EPB41L4A: variants seen among roughly 807,000 people sequenced by gnomAD.
The protein encoded by EPB41L4A is band 4.1-like protein 4A.
Under a neutral mutation model 108.6 loss-of-function variants are expected in EPB41L4A, and 100 were observed. The ratio of observed to expected loss-of-function variants is 0.92; its 90% CI spans 0.78 to 1.09. The LOEUF is 1.09. EPB41L4A is among the 50% of genes least tolerant of loss of function. The pLI is 0.00. For synonymous variants in EPB41L4A, 319 were observed against 289.0 expected, an observed-to-expected ratio of 1.10 and a Z score of -1.05; for missense variants, 1,030 against 842.7, an observed-to-expected ratio of 1.22 and a Z score of -2.75.
chr5:112,156,378 T>C (rs900014362), intron 12 of EPB41L4A, among the ~76,000 whole-genome samples: 11 of 152,210 alleles, frequency 7.2e-5, no homozygotes, highest in Non-Finnish European at 1.5e-5. Flanking sequence ...GCCAGTGGTA[T>C]AGCCAGAGAG....
At chr5:112,410,038 C>T (rs1580855764) in intron 1 of EPB41L4A, among the ~76,000 whole-genome samples, 1 of 152,256 alleles carries the variant, frequency 6.6e-6, no homozygotes, top group Non-Finnish European at 1.5e-5. Flanking sequence ...AGAAGAGGGC[C>T]TCTCCAGCTC....
At position 112,240,765 on chromosome 5, in the gene EPB41L4A, A is replaced by C; in HGVS notation, c.841T>G (p.Cys281Gly). Residue 281 changes from cysteine to glycine, a missense_variant, in exon 10 of 23, where the codon TGC becomes GGC. Physicochemically the swap from Cys to Gly is radical, Grantham distance 159 (BLOSUM62 -3). Transcript: ENST00000261486. ...ACACTGCACTTCCAGAGGTGCTTGC[A>C]AGCAGTTTTACTCCGAGCTTCAAAA... ...FFFEARSKTA[C>G]KHLWKCSVEH... 6.3e-7 allele frequency: 1 copy of C among 1,587,818 alleles called. No individual in the cohort carries two copies. The highest frequency in any genetic ancestry group is 1.2e-5 in the South Asian group (1 of 84,730).
At chr5:112,296,808 C>A (rs768229221) in intron 2 of EPB41L4A, among the ~76,000 whole-genome samples, 1 of 151,998 alleles carries the variant, frequency 6.6e-6, no homozygotes, top group African/African-American at 2.4e-5. Flanking sequence ...CATTCTTATG[C>A]CTTTGCATCC....
At chr5:112,284,516 C>T (rs1451070309) in intron 2 of EPB41L4A, among the ~76,000 whole-genome samples, 1 of 152,130 alleles carries the variant, frequency 6.6e-6, no homozygotes, top group Non-Finnish European at 1.5e-5. Context: ...ATCACTCAAA[C>T]ACTTTCCCCT....
intron 1 of EPB41L4A, among the ~76,000 whole-genome samples, chr5:112,366,309 G>T (rs896495654): frequency 4.7e-5 from 7 of 148,100 alleles, no homozygotes; most frequent in African/African-American, 7.4e-5. Context: ...AAAAAAAAAA[G>T]AAAGAAAGAA....
intron 1 of EPB41L4A, among the ~76,000 whole-genome samples, chr5:112,339,520 A>ATATC (rs1561585499): frequency 7.6e-5 from 4 of 52,528 alleles, no homozygotes; most frequent in African/African-American, 2.9e-4. Context: ...AGATATATAG[A>ATATC]TATATATCTA....
intron 17 of EPB41L4A, among the ~76,000 whole-genome samples, chr5:112,190,686 G>T (rs181322228): frequency 3.3e-5 from 5 of 152,206 alleles, no homozygotes; most frequent in Admixed American, 1.3e-4. Flanking sequence ...CAACAAAATG[G>T]ATCAGTTGTT....
intron 17 of EPB41L4A, among the ~76,000 whole-genome samples, chr5:112,191,422 C>A (rs1435122747): frequency 6.6e-6 from 1 of 152,166 alleles, no homozygotes; most frequent in Non-Finnish European, 1.5e-5. Flanking sequence ...CTAACATTAG[C>A]CTTCCAGAGC....
intron 1 of EPB41L4A, among the ~76,000 whole-genome samples, chr5:112,413,745 C>T (rs1208856053): frequency 6.6e-6 from 1 of 152,170 alleles, no homozygotes; most frequent in Non-Finnish European, 1.5e-5. Context: ...CAAAATGGTA[C>T]ACCAATCAGC....
chr5:112,397,849 T>C (rs1580829490), intron 1 of EPB41L4A, among the ~76,000 whole-genome samples: 1 of 152,224 alleles, frequency 6.6e-6, no homozygotes, highest in African/African-American at 2.4e-5. Flanking sequence ...GGCTAGTAAG[T>C]GGCAGGTCAA....
chr5:112,321,895 C>A (rs821747), intron 1 of EPB41L4A, among the ~76,000 whole-genome samples: 138,002 of 152,222 alleles, frequency 0.91, 62,661 homozygotes, highest in South Asian at 0.96. Flanking sequence ...CAGCCTCCCA[C>A]CTTTAAACCT....
At chr5:112,386,709 C>A (rs1760557501) in intron 1 of EPB41L4A, among the ~76,000 whole-genome samples, 1 of 152,134 alleles carries the variant, frequency 6.6e-6, no homozygotes, top group Admixed American at 6.5e-5. Context: ...ATACAGGACA[C>A]AGCTCAAAAT....
At chr5:112,160,333 T>A (rs1759813065), downstream of EPB41L4A, among the ~76,000 whole-genome samples, 1 of 152,112 alleles carries the variant, frequency 6.6e-6, no homozygotes, top group Non-Finnish European at 1.5e-5. Flanking sequence ...GCACTTACAT[T>A]GTAGAATTTC....
rs148527236 is a variant in EPB41L4A at position 112,408,119 on chromosome 5, A to G, written c.99+10822T>C. Among the ~76,000 whole-genome samples, 3 of 152,312 alleles carry G rather than the reference A, an allele frequency of 2.0e-5. No homozygotes were observed. The East Asian group carries it at 5.8e-4, about 29-fold the overall frequency. ...AGTTAACTCCTCACATTTATTTTTAATTGATTTTTTTTATAAGGGTGCCAA... is the reference window on the plus strand; with the variant it reads ...AGTTAACTCCTCACATTTATTTTTAGTTGATTTTTTTTATAAGGGTGCCAA... On this transcript the variant is annotated intron_variant, in intron 1 of 22. Transcript: ENST00000261486.
At chr5:112,407,132 G>A (rs1378262799) in intron 1 of EPB41L4A, among the ~76,000 whole-genome samples, 2 of 152,026 alleles carry the variant, frequency 1.3e-5, no homozygotes. Context: ...GAGTTCGTGT[G>A]AAAGATTTTG....
At chr5:112,291,884 G>C (rs1753665902) in intron 2 of EPB41L4A, among the ~76,000 whole-genome samples, 1 of 152,160 alleles carries the variant, frequency 6.6e-6, no homozygotes, top group African/African-American at 2.4e-5. Flanking sequence ...AGCTGCTCTA[G>C]CAAATTAATC....
intron 1 of EPB41L4A, among the ~76,000 whole-genome samples, chr5:112,396,527 T>C (rs2112714123): frequency 6.6e-6 from 1 of 152,138 alleles, no homozygotes; most frequent in African/African-American, 2.4e-5. Context: ...ACTCCAGGAG[T>C]ATCTACATCA....
intron 19 of EPB41L4A, 77 bp downstream of exon 19, chr5:112,170,868 A>G: frequency 7.6e-7 from 1 of 1,315,540 alleles, no homozygotes; most frequent in Non-Finnish European, 1.1e-6. Flanking sequence ...GTTGCCTCTC[A>G]GTATCAGGAG....
Position 112,364,965 on chromosome 5 carries a change from CTAAGAT to C in EPB41L4A, c.99+53970_99+53975del, listed in dbSNP as rs1223424879. ...TATTATTTGATGGGGTAAAATAAATCTAAGATTAAGATAAATATCCTGGAAAATTAA... is the reference window on the plus strand; with the variant it reads ...TATTATTTGATGGGGTAAAATAAATCTAAGATAAATATCCTGGAAAATTAA... On this transcript the variant is annotated intron_variant, in intron 1 of 22. Transcript: ENST00000261486. Among the ~76,000 whole-genome samples, 3 of 152,194 alleles carry C rather than the reference CTAAGAT, an allele frequency of 2.0e-5. No homozygotes were observed. In the East Asian group the frequency reaches 5.8e-4, roughly 29 times the overall value.
Sources: gnomAD v4.1 joint callset for allele counts (sites outside exome capture counted in the v4.1 genomes callset) on GRCh38, gnomAD v4.1.1 for gene constraint, MANE v1.5 for transcripts, NCBI Gene and HGNC (gene_info 2026-07-23, HGNC 2026-07-21) for gene names.